The following ZMYND8 variants were observed in gnomAD, a reference collection of about 807,000 sequenced individuals.
ZMYND8 encodes MYND-type zinc finger-containing chromatin reader ZMYND8.
Under a neutral mutation model 140.8 loss-of-function variants are expected in ZMYND8, and 37 were observed. That is an observed-to-expected ratio of 0.26 (90% confidence interval 0.20 to 0.35). The LOEUF (loss-of-function observed/expected upper bound fraction) is 0.35, where lower values mean the gene tolerates loss of function less well. Among genes scored for constraint, ZMYND8 ranks in the 10% least tolerant of loss-of-function variants. The pLI, the probability that ZMYND8 is intolerant of heterozygous loss-of-function variation, is 1.00. For synonymous variants in ZMYND8, 592 were observed against 597.1 expected (o/e 0.99, Z 0.12); for missense variants, 1,068 against 1,570.0 (o/e 0.68, Z 5.40).
chr20:47,237,234 T>C (rs8121471), intron 15 of ZMYND8: 97,848 of 151,284 alleles, frequency 0.65, 33,152 homozygotes, highest in African/African-American at 0.87. Flanking sequence ...CCTCTACCTC[T>C]GAGGTTCAAG....
intron 10 of ZMYND8, among the ~76,000 whole-genome samples, chr20:47,280,080 G>A (rs1201371694): frequency 3.5e-5 from 5 of 144,422 alleles, no homozygotes; most frequent in African/African-American, 1.1e-4. Flanking sequence ...CCGAGAGCTC[G>A]CCACTGCACA....
chr20:47,252,929 A>C (rs1021775923), intron 12 of ZMYND8, among the ~76,000 whole-genome samples: 4 of 152,214 alleles, frequency 2.6e-5, no homozygotes, highest in Admixed American at 6.5e-5. Context: ...AAAAAATAAA[A>C]TAAAAGCCCA....
intron 12 of ZMYND8, among the ~76,000 whole-genome samples, chr20:47,255,729 TATA>T (rs1331840421): frequency 2.5e-4 from 5 of 20,288 alleles, no homozygotes; most frequent in Non-Finnish European, 3.8e-4. Flanking sequence ...TGTGTATATA[TATA>T]TATATATATA....
chr20:47,281,145 C>CACCTACCA (rs2076581160), intron 10 of ZMYND8, among the ~76,000 whole-genome samples: 2 of 152,194 alleles, frequency 1.3e-5, no homozygotes, highest in Non-Finnish European at 2.9e-5. Context: ...AGTCAAGGTG[C>CACCTACCA]AATACTTCCT....
chr20:47,355,445 C>A (rs1301788318), intron 1 of ZMYND8: 25 of 985,290 alleles, frequency 2.5e-5, no homozygotes, highest in African/African-American at 3.5e-5. Context: ...GATTGCTTTA[C>A]TTACCCAACA....
At chr20:47,234,050 C>T (rs1013118795) in intron 16 of ZMYND8, among the ~76,000 whole-genome samples, 1 of 152,212 alleles carries the variant, frequency 6.6e-6, no homozygotes, top group African/African-American at 2.4e-5. Context: ...CCAGCAGGCT[C>T]TCTCCATTGC....
chr20:47,311,385 C>T (rs1264171735), intron 2 of ZMYND8, among the ~76,000 whole-genome samples: 1 of 152,112 alleles, frequency 6.6e-6, no homozygotes, highest in African/African-American at 2.4e-5. Flanking sequence ...CCGAGGCAGG[C>T]GGATCACCTG....
intron 2 of ZMYND8, chr20:47,318,922 G>A: frequency 7.4e-7 from 1 of 1,343,914 alleles, no homozygotes; most frequent in Admixed American, 1.9e-5. Context: ...ACATGCGAGG[G>A]GCAGGGAACG....
rs555036802 is a variant in ZMYND8, at chr20:47,308,380, G to A, written c.234+1676C>T. Among the ~76,000 whole-genome samples, 15 of 151,806 alleles carry A rather than the reference G, an allele frequency of 9.9e-5. No homozygotes were observed. The South Asian group carries it at 1.3e-3, about 13-fold the overall frequency. On this transcript the variant is annotated intron_variant, in intron 3 of 22. Transcript: ENST00000471951. Reference sequence around the variant, plus strand: ...ATTACAGGCATGTGCCACCACGCCCGGCTAATTTTTTGTATTTTTAGTAGG... The same window carrying A: ...ATTACAGGCATGTGCCACCACGCCCAGCTAATTTTTTGTATTTTTAGTAGG...
chr20:47,238,703 C>A, intron 15 of ZMYND8, 55 bp downstream of exon 15: 1 of 1,562,526 alleles, frequency 6.4e-7, no homozygotes, highest in South Asian at 1.2e-5. Context: ...TTTCTCCTGT[C>A]GATGTGGCAA....
chr20:47,251,998 G>GA (rs745817777), intron 12 of ZMYND8, among the ~76,000 whole-genome samples: 2 of 151,718 alleles, frequency 1.3e-5, no homozygotes, highest in Non-Finnish European at 2.9e-5. Context: ...AAAAAAGAAA[G>GA]AAAGAAAAGA....
chr20:47,347,820 T>C (rs780538731), intron 2 of ZMYND8, 36 bp downstream of exon 2: 14 of 1,605,700 alleles, frequency 8.7e-6, no homozygotes, highest in African/African-American at 1.3e-5. Flanking sequence ...ATTTCCTCCT[T>C]AGCTCTAGAA....
intron 11 of ZMYND8, among the ~76,000 whole-genome samples, chr20:47,276,049 A>G (rs2076237414): frequency 6.6e-6 from 1 of 152,244 alleles, no homozygotes; most frequent in Non-Finnish European, 1.5e-5. Context: ...ATGCAGCGAC[A>G]TCTGAACAGA....
At chr20:47,260,456 CT>C (rs1435733230) in intron 12 of ZMYND8, among the ~76,000 whole-genome samples, 1 of 151,964 alleles carries the variant, frequency 6.6e-6, no homozygotes, top group Non-Finnish European at 1.5e-5. Flanking sequence ...CTTGCTAATC[CT>C]ACAACACACC....
intron 2 of ZMYND8, among the ~76,000 whole-genome samples, chr20:47,314,386 C>T (rs770965731): frequency 6.6e-6 from 1 of 152,120 alleles, no homozygotes; most frequent in African/African-American, 2.4e-5. Context: ...GTAGTCCCAA[C>T]TACTAGGGAG....
intron 15 of ZMYND8, among the ~76,000 whole-genome samples, chr20:47,236,749 A>T (rs2039287189): frequency 6.6e-6 from 1 of 152,082 alleles, no homozygotes; most frequent in Non-Finnish European, 1.5e-5. Context: ...AGTGCATGCT[A>T]GGATGACCCC....
intron 3 of ZMYND8, among the ~76,000 whole-genome samples, chr20:47,305,139 G>A (rs546337892): frequency 1.3e-5 from 2 of 152,176 alleles, no homozygotes; most frequent in South Asian, 4.2e-4. Flanking sequence ...AGCTACTTGG[G>A]AGGCTGAGGT....
chr20:47,326,611 C>T (rs561750638), intron 2 of ZMYND8, among the ~76,000 whole-genome samples: 12 of 152,242 alleles, frequency 7.9e-5, no homozygotes, highest in East Asian at 7.7e-4. Context: ...CCAAAACCTC[C>T]GTAGATCCTC....
intron 5 of ZMYND8, among the ~76,000 whole-genome samples, chr20:47,292,936 A>G (rs1309764676): frequency 1.3e-5 from 2 of 151,496 alleles, no homozygotes; most frequent in African/African-American, 4.9e-5. Flanking sequence ...CGGTGTGTGC[A>G]TCTATAGTTC....
Sources: allele counts gnomAD v4.1 joint callset (sites outside exome capture counted in the v4.1 genomes callset), GRCh38; gene constraint gnomAD v4.1.1; transcripts MANE v1.5; gene names NCBI Gene and HGNC (gene_info 2026-07-23, HGNC 2026-07-21).